The following TLE5 variants were observed in gnomAD, a reference collection of about 807,000 sequenced individuals.
The protein encoded by TLE5 is TLE family member 5, transcriptional modulator.
TLE5 carries 7 observed loss-of-function variants against 25.8 expected under a neutral mutation model. The observed-to-expected ratio is 0.27, with a 90% CI of 0.15 to 0.51. The LOEUF (loss-of-function observed/expected upper bound fraction) is 0.51. Ranked by LOEUF, TLE5 falls within the 20% of genes least tolerant of loss-of-function variation. The probability of loss-of-function intolerance (pLI) is 0.97; values close to 1 mark genes in which losing one functional copy is unlikely to be tolerated. For synonymous variants in TLE5, 132 were observed against 110.5 expected, an observed-to-expected ratio of 1.20 and a Z score of -1.22; for missense variants, 149 against 250.7, an observed-to-expected ratio of 0.59 and a Z score of 2.74.
At chr19:3,061,770 A>G (rs307719) in intron 1 of TLE5, among the ~76,000 whole-genome samples, 109,198 of 147,802 alleles carry the variant, frequency 0.74, 40,613 homozygotes, top group African/African-American at 0.83. Flanking sequence ...GCCTCGGATC[A>G]CCCCCCCCAC....
intron 3 of TLE5, chr19:3,056,603 C>A (rs1458418787): frequency 3.0e-6 from 2 of 663,978 alleles, no homozygotes; most frequent in Non-Finnish European, 5.5e-6. Context: ...AGACTGGGGG[C>A]ACTTTAGGTC....
At chr19:3,057,885 A>AT (rs1008506579) in intron 2 of TLE5, 143 bp from the exon 3 acceptor site, 946 of 692,686 alleles carry the variant, frequency 1.4e-3, no homozygotes, top group Non-Finnish European at 1.6e-3. Context: ...TCAAGCAATA[A>AT]TTTTTTTTTT....
At chr19:3,058,216 G>T (rs1008470386) in intron 2 of TLE5, among the ~76,000 whole-genome samples, 2 of 152,098 alleles carry the variant, frequency 1.3e-5, no homozygotes, top group African/African-American at 4.8e-5. Context: ...TAACATTATA[G>T]GAACAACAGA....
In TLE5 at chr19:3,053,396, G is replaced by A. The variant is rs1442856496; in HGVS notation, c.*423C>T. On this transcript the variant is annotated 3_prime_UTR_variant, in exon 7 of 7. Transcript: ENST00000327141. Reference sequence around the variant, plus strand: ...GGGAGACTCGGGGTGCCCAGGACGGGAAAGGGGCAGCTAGCATTGCGTGCA... The same window carrying A: ...GGGAGACTCGGGGTGCCCAGGACGGAAAAGGGGCAGCTAGCATTGCGTGCA... The A allele has an allele frequency of 6.0e-6, 1 of 165,924 alleles. No individual in the cohort carries two copies. Among genetic ancestry groups the A allele is most frequent in the East Asian group, 1.7e-4 (1 of 5,772 alleles). 10.3% of individuals were successfully genotyped at this position (165,924 alleles called of 1,614,324 possible).
intron 2 of TLE5, among the ~76,000 whole-genome samples, chr19:3,059,226 C>CA (rs945033503): frequency 1.9e-4 from 28 of 150,776 alleles, no homozygotes; most frequent in South Asian, 4.2e-4. Context: ...AAAACAAAAA[C>CA]AAAAAAAAAC....
chr19:3,055,647 A>G lies in TLE5; in HGVS notation c.297+17T>C. 1 of 1,579,254 alleles carries G rather than the reference A, an allele frequency of 6.3e-7. No homozygotes were observed. The highest frequency in any genetic ancestry group is 1.2e-5 in the South Asian group (1 of 86,904). On this transcript the variant is annotated intron_variant, in intron 5 of 6. Transcript: ENST00000327141. ...CGGGGCCCCCTCACAACCCCTCCCC[A>G]AGGCCCTGGCTCTTACCTCTTGGGA...
upstream of TLE5, chr19:3,062,905 G>A: frequency 8.6e-7 from 1 of 1,162,038 alleles, no homozygotes; most frequent in South Asian, 1.3e-5. Context: ...GCCTTCCTGA[G>A]GGAAGCCATT....
rs564019759 is a variant in TLE5 at position 3,053,725 on chromosome 19, G to A, written c.*94C>T. The A allele has an allele frequency of 4.3e-4, 604 of 1,392,892 alleles. 9 individuals carry two copies. The South Asian group carries it at 7.2e-3, about 17-fold the overall frequency. 86.3% of individuals were successfully genotyped at this position (1,392,892 alleles called of 1,614,324 possible). On this transcript the variant is annotated 3_prime_UTR_variant, in exon 7 of 7. Coordinates refer to ENST00000327141, the MANE Select transcript of TLE5 (RefSeq NM_001130.6). The stretch of plus-strand genomic sequence containing the variant: ...ATACTATGGGAGTTTAGCCAATCCC[G>A]AGCTCCGCTGTGTCTTGTGCTAAAC...
chr19:3,057,394 A>T, intron 3 of TLE5: 3 of 449,380 alleles, frequency 6.7e-6, no homozygotes, highest in Non-Finnish European at 1.2e-5. Flanking sequence ...ACAGCCGGTG[A>T]GCCTCCCTCT....
At chr19:3,054,087 C>CGGGGGGGGCG in intron 6 of TLE5, 33 bp downstream of exon 6, 5 of 1,476,364 alleles carry the variant, frequency 3.4e-6, no homozygotes, top group Non-Finnish European at 4.6e-6. Flanking sequence ...GCCCACCTGT[C>CGGGGGGGGCG]CCCCGCCCAC....
In TLE5 at chr19:3,054,294, T is replaced by C; in HGVS notation, c.298-100A>G. 5.3e-6 allele frequency: 6 copies of C among 1,124,758 alleles called. No individual in the cohort carries two copies. In the South Asian group the frequency reaches 6.6e-5, roughly 12 times the overall value. 69.7% of individuals were successfully genotyped at this position (1,124,758 alleles called of 1,614,324 possible). ...GGCCAGGAGGAGCCCCACTACCAAGTGGGCCATCATGTCTGCTCCTCCCAG... is the reference window on the plus strand; with the variant it reads ...GGCCAGGAGGAGCCCCACTACCAAGCGGGCCATCATGTCTGCTCCTCCCAG... On this transcript the variant is annotated intron_variant, in intron 5 of 6. Coordinates refer to ENST00000327141, the MANE Select transcript of TLE5 (RefSeq NM_001130.6).
rs2145254291 is a variant in TLE5, at chr19:3,054,204, G to A, written c.298-10C>T. 1.2e-6 allele frequency: 2 copies of A among 1,608,002 alleles called. No homozygotes were observed. Among genetic ancestry groups the A allele is most frequent in the Non-Finnish European group, 8.5e-7 (1 of 1,179,060 alleles). On this transcript the variant is annotated splice_polypyrimidine_tract_variant and intron_variant, in intron 5 of 6. Transcript: ENST00000327141. ...AGACCTGCTGCTGGTGCTGGAAGGG[G>A]GTCGGGGGAGAGGAGAGGCAGTGAT...
At chr19:3,056,530 G>A (rs1568264106) in intron 3 of TLE5, 174 bp from the exon 4 acceptor site, 6 of 595,890 alleles carry the variant, frequency 1.0e-5, no homozygotes, top group Admixed American at 7.7e-5. Context: ...AGGGAGAGAC[G>A]CCCACACCCA....
intron 3 of TLE5, 142 bp from the exon 4 acceptor site, chr19:3,056,498 A>C: frequency 1.7e-5 from 10 of 571,522 alleles, no homozygotes; most frequent in Middle Eastern, 2.7e-4. Context: ...AAGAAAGGAG[A>C]GGCAGGTGGG....
At chr19:3,061,888 G>A (rs1227527492) in intron 1 of TLE5, among the ~76,000 whole-genome samples, 3 of 25,868 alleles carry the variant, frequency 1.2e-4, no homozygotes, top group Non-Finnish European at 3.5e-4. Flanking sequence ...CGGCGGGTTG[G>A]GGGGGGGGGG....
chr19:3,059,163 A>G (rs948874014), intron 2 of TLE5, among the ~76,000 whole-genome samples: 1 of 151,856 alleles, frequency 6.6e-6, no homozygotes, highest in South Asian at 2.1e-4. Flanking sequence ...GCCGCCACCA[A>G]TTTTTCTCTA....
intron 2 of TLE5, among the ~76,000 whole-genome samples, chr19:3,059,470 C>T (rs1030758854): frequency 2.0e-5 from 3 of 152,042 alleles, no homozygotes; most frequent in Non-Finnish European, 2.9e-5. Flanking sequence ...TGCAGTGAGC[C>T]GAGATCGCGC....
rs865962071 is a variant in TLE5, at chr19:3,061,202, C to T, written c.83G>A (p.Arg28His). Residue 28 changes from arginine to histidine, a missense_variant, in exon 2 of 7, where the codon CGC becomes CAC. By Grantham distance (29) the Arg-to-His change is conservative. Coordinates refer to ENST00000327141, the MANE Select transcript of TLE5 (RefSeq NM_001130.6). ...CAGTAGCTGAAATTCGTCTTTGATG[C>T]GGTCGCAGGAGTCCGAGGTGGTGAA... ...LKFTTSDSCD[R>H]IKDEFQLLQA... 1 of 1,613,556 alleles carries T rather than the reference C, an allele frequency of 6.2e-7. No homozygotes were observed. The highest frequency in any genetic ancestry group is 8.5e-7 in the Non-Finnish European group (1 of 1,179,614).
At chr19:3,060,636 CTTAAGTTTCT>C (rs1361584890) in intron 2 of TLE5, among the ~76,000 whole-genome samples, 1 of 152,008 alleles carries the variant, frequency 6.6e-6, no homozygotes, top group Non-Finnish European at 1.5e-5. Flanking sequence ...CTGGCCTGGG[CTTAAGTTTCT>C]TTAAGTGTAA....
Sources: gnomAD v4.1 joint callset for allele counts (sites outside exome capture counted in the v4.1 genomes callset) on GRCh38, gnomAD v4.1.1 for gene constraint, MANE v1.5 for transcripts, NCBI Gene and HGNC (gene_info 2026-07-23, HGNC 2026-07-21) for gene names.